The following JAKMIP3 variants were observed in gnomAD, a reference collection of about 807,000 sequenced individuals.
The protein encoded by JAKMIP3 is janus kinase and microtubule-interacting protein 3.
A neutral mutation model predicts 118.5 loss-of-function variants in JAKMIP3; 58 were observed. The ratio of observed to expected loss-of-function variants is 0.49; its 90% CI spans 0.40 to 0.61. The LOEUF (loss-of-function observed/expected upper bound fraction) is 0.61. JAKMIP3 is among the 20% of genes least tolerant of loss of function. The pLI, the probability that JAKMIP3 is intolerant of heterozygous loss-of-function variation, is 0.00. For synonymous variants in JAKMIP3, 486 were observed against 451.2 expected (o/e 1.08, Z -0.98); for missense variants, 950 against 1,109.0 (o/e 0.86, Z 2.04).
At chr10:132,159,544 C>CTCTCCCTGTGTGATGCTGGGGGGAGCGTG (rs2057637678) in intron 19 of JAKMIP3, among the ~76,000 whole-genome samples, 1 of 114,594 alleles carries the variant, frequency 8.7e-6, no homozygotes, top group Non-Finnish European at 1.8e-5. Flanking sequence ...CTGGGAGGGT[C>CTCTCCCTGTGTGATGCTGGGGGGAGCGTG]TCTCCCTGTG....
At chr10:132,150,097 C>T (rs1564967120) in intron 16 of JAKMIP3, 56 bp downstream of exon 16, 2 of 1,446,916 alleles carry the variant, frequency 1.4e-6, no homozygotes, top group African/African-American at 2.8e-5. Flanking sequence ...CCCAGCCCAG[C>T]CCCTCTGGGG....
intron 1 of JAKMIP3, among the ~76,000 whole-genome samples, chr10:132,073,062 T>C (rs927421779): frequency 5.9e-5 from 9 of 152,264 alleles, no homozygotes; most frequent in African/African-American, 2.2e-4. Context: ...TCTATTCATG[T>C]TTCTGCAAAA....
rs183574993 is a variant in JAKMIP3 at position 132,165,167 on chromosome 10, C to T, written c.2490+432C>T. 5.3e-5 allele frequency among the ~76,000 whole-genome samples: 8 copies of T among 152,310 alleles called. No homozygotes were observed. In the East Asian group the frequency reaches 1.4e-3, roughly 26 times the overall value. ...TTCCCGGATCAGAAGCACCCGTTGA[C>T]GTGCAGTTAGGCAGAGGCCACACAC... is the stretch of plus-strand genomic sequence containing the variant. On this transcript the variant is annotated intron_variant, in intron 21 of 23. Coordinates refer to ENST00000684848, the MANE Select transcript of JAKMIP3 (RefSeq NM_001323087.2).
chr10:132,100,369 G>A (rs2044658175), intron 1 of JAKMIP3, among the ~76,000 whole-genome samples: 1 of 152,180 alleles, frequency 6.6e-6, no homozygotes. Context: ...AGGTGGGGGT[G>A]TCTGGGCCAC....
rs369025390 is a variant in JAKMIP3 at position 132,067,113 on chromosome 10, G to A, written c.-138+1052G>A. 6.8e-4 allele frequency among the ~76,000 whole-genome samples: 104 copies of A among 152,206 alleles called. 1 individual carries two copies. The highest frequency in any genetic ancestry group is 2.5e-3 in the African/African-American group (102 of 41,522). ...AGCAGCAGAAGAGGAAAGTGAGCCG[G>A]GCCGAGGAAGGACCCTCAGTTTACA... On this transcript the variant is annotated intron_variant, in intron 1 of 23. Transcript: ENST00000684848.
At chr10:132,156,132 G>C (rs2057063849) in intron 19 of JAKMIP3, among the ~76,000 whole-genome samples, 1 of 152,148 alleles carries the variant, frequency 6.6e-6, no homozygotes, top group Non-Finnish European at 1.5e-5. Flanking sequence ...GCGCCTTCTG[G>C]GACTCCCAGC....
chr10:132,066,325 TA>T (rs764662071), intron 1 of JAKMIP3, among the ~76,000 whole-genome samples: 1 of 152,218 alleles, frequency 6.6e-6, no homozygotes, highest in Non-Finnish European at 1.5e-5. Context: ...GTTTCTCCTT[TA>T]AAGCATGGGT....
At chr10:132,153,044 A>G in intron 17 of JAKMIP3, 21 bp downstream of exon 17, 1 of 1,593,100 alleles carries the variant, frequency 6.3e-7, no homozygotes, top group Non-Finnish European at 8.6e-7. Context: ...CTGTGTGGAC[A>G]GTCGGGAGAG....
At position 132,097,946 on chromosome 10, in the gene JAKMIP3, T is replaced by TTCTTTTCTC. The variant is rs1564892940; in HGVS notation, c.-137-6726_-137-6725insTCTTTTCTC. ...TTTCCTTCCCCTTCCCCTTTCCCTT[T>TTCTTTTCTC]CCCATCCCCTTTCCCTTTCCTTCCT... is the stretch of plus-strand genomic sequence containing the variant. On this transcript the variant is annotated intron_variant, in intron 1 of 23. Coordinates refer to ENST00000684848, the MANE Select transcript of JAKMIP3 (RefSeq NM_001323087.2). Among the ~76,000 whole-genome samples, 40 of 24,068 alleles carry TTCTTTTCTC rather than the reference T, an allele frequency of 1.7e-3. 3 individuals are homozygous for TTCTTTTCTC. Among genetic ancestry groups the TTCTTTTCTC allele is most frequent in the Non-Finnish European group, 3.6e-3 (34 of 9,520 alleles). 15.8% of individuals were successfully genotyped at this position (24,068 alleles called of 152,430 possible).
Position 132,168,033 on chromosome 10 carries a change from GA to G in JAKMIP3, c.*104del. ...TGGGACGTCGCGTCTCCATCCTGAAGACCCAGGGAGATTTGGTCTCTGCACG... is the reference window on the plus strand; with the variant it reads ...TGGGACGTCGCGTCTCCATCCTGAAGCCCAGGGAGATTTGGTCTCTGCACG... On this transcript the variant is annotated 3_prime_UTR_variant, in exon 23 of 24. Coordinates refer to ENST00000684848, the MANE Select transcript of JAKMIP3 (RefSeq NM_001323087.2). 1 of 1,289,604 alleles carries G rather than the reference GA, an allele frequency of 7.8e-7. No homozygotes were observed. The highest frequency in any genetic ancestry group is 1.2e-5 in the South Asian group (1 of 81,030). 79.9% of individuals were successfully genotyped at this position (1,289,604 alleles called of 1,614,324 possible).
intron 9 of JAKMIP3, among the ~76,000 whole-genome samples, chr10:132,139,992 A>G (rs986823721): frequency 6.6e-6 from 1 of 152,176 alleles, no homozygotes; most frequent in Non-Finnish European, 1.5e-5. Context: ...AGGGTCCCCA[A>G]AGGCAGGGCC....
At chr10:132,133,161 C>T (rs1315498331) in intron 3 of JAKMIP3, 151 bp from the exon 4 acceptor site, 2 of 686,024 alleles carry the variant, frequency 2.9e-6, no homozygotes, top group East Asian at 5.5e-5. Context: ...GTGCCTCAGC[C>T]CAGGGCCACG....
rs913963759 is a variant in JAKMIP3 at position 132,044,508 on chromosome 10, C to T, written c.-138+7770C>T. On this transcript the variant is annotated intron_variant, in intron 1 of 23. Transcript: ENST00000657785. This position sits in a 1 kb window ranked among gnomAD's most constrained non-coding sequence, Gnocchi z 5.3. ...GTTATGGCTGGTGCAGAGGAGGGTG[C>T]GGCCGGTGCAGAGGAGGATGCAGGA... Among the ~76,000 whole-genome samples the T allele has an allele frequency of 2.6e-5, 4 of 151,892 alleles. No homozygotes were observed. The highest frequency in any genetic ancestry group is 9.7e-5 in the African/African-American group (4 of 41,368).
intron 2 of JAKMIP3, among the ~76,000 whole-genome samples, chr10:132,109,049 C>T (rs1036986740): frequency 7.7e-6 from 1 of 129,212 alleles, no homozygotes; most frequent in African/African-American, 2.9e-5. Flanking sequence ...TATATACACA[C>T]ACATACATGC....
chr10:132,119,818 C>A (rs79590168), intron 3 of JAKMIP3, among the ~76,000 whole-genome samples: 6,405 of 152,246 alleles, frequency 0.042, 195 homozygotes, highest in East Asian at 0.12. Flanking sequence ...CATACAAACT[C>A]TACAATGAAC....
rs1481598521 is a variant in JAKMIP3, at chr10:132,049,571, G to A, written c.-138+12833G>A. ...CCCTAAGCTGTTGAATTCCTAAATC[G>A]GGGTGTTTTTCCATATCCTTGAATG... is the stretch of plus-strand genomic sequence containing the variant. On this transcript the variant is annotated intron_variant, in intron 1 of 23. Coordinates refer to the JAKMIP3 transcript ENST00000657785. This position sits in a 1 kb window ranked among gnomAD's most constrained non-coding sequence, Gnocchi z 4.3. Among the ~76,000 whole-genome samples, 6 of 151,470 alleles carry A rather than the reference G, an allele frequency of 4.0e-5. No homozygotes were observed. The highest frequency in any genetic ancestry group is 1.5e-4 in the African/African-American group (6 of 41,168).
Position 132,163,237 on chromosome 10 carries a change from A to G in JAKMIP3, c.2249A>G (p.Tyr750Cys). 7.0e-6 allele frequency: 11 copies of G among 1,571,468 alleles called. No homozygotes were observed. The highest frequency in any genetic ancestry group is 1.2e-5 in the South Asian group (1 of 85,572). Residue 750 changes from tyrosine to cysteine, a missense_variant, in exon 20 of 24, where the codon TAT (tyrosine) becomes TGT (cysteine). By Grantham distance (194) the Tyr-to-Cys change is radical (BLOSUM62 -2). Transcript: ENST00000684848. Reference sequence around the variant, plus strand: ...ATCCTGGAGCTGGAAGCCATGCTGTATGATGCCCTGCAGCAGGAGGCCGGG... The same window carrying G: ...ATCCTGGAGCTGGAAGCCATGCTGTGTGATGCCCTGCAGCAGGAGGCCGGG... ...KHILELEAML[Y>C]DALQQEAGAK...
chr10:132,128,688 A>C (rs1386497175), intron 3 of JAKMIP3, among the ~76,000 whole-genome samples: 8 of 151,878 alleles, frequency 5.3e-5, no homozygotes, highest in African/African-American at 1.5e-4. Flanking sequence ...AAACCTTTGT[A>C]ATGAATTTCT....
At chr10:132,070,064 G>A (rs566441071) in intron 1 of JAKMIP3, among the ~76,000 whole-genome samples, 8 of 152,318 alleles carry the variant, frequency 5.3e-5, no homozygotes, top group African/African-American at 1.9e-4. Context: ...CACCCTGTGG[G>A]GGCTTCGGGC....
Sources: gnomAD v4.1 joint callset for allele counts (sites outside exome capture counted in the v4.1 genomes callset) on GRCh38, gnomAD v4.1.1 for gene constraint, Gnocchi (gnomAD v3.1) non-coding constraint, MANE v1.5 for transcripts, NCBI Gene and HGNC (gene_info 2026-07-23, HGNC 2026-07-21) for gene names.